Variants in REST observed in about 807,000 individuals in gnomAD.
REST encodes the protein RE1-silencing transcription factor.
Under a neutral mutation model 30.4 loss-of-function variants are expected in REST, and 1 was observed. The ratio of observed to expected loss-of-function variants is 0.03; its 90% CI spans 0.01 to 0.16. The LOEUF (loss-of-function observed/expected upper bound fraction) is 0.16. REST is among the 10% of genes least tolerant of loss of function. REST has a pLI of 1.00. For synonymous variants in REST, 504 were observed against 451.1 expected (o/e 1.12, Z -1.49); for missense variants, 1,259 against 1,329.5 (o/e 0.95, Z 0.82).
At chr4:56,910,276 T>G in intron 1 of REST, among the ~76,000 whole-genome samples, 1 of 152,226 alleles carries the variant, frequency 6.6e-6, no homozygotes, top group East Asian at 1.9e-4. Flanking sequence ...ATGTTTTGAA[T>G]TTTTAAAATA....
rs372493611 is a variant in REST at position 56,931,448 on chromosome 4, T to C, written c.2590T>C (p.Ser864Pro). 1 of 1,614,118 alleles carries C rather than the reference T, an allele frequency of 6.2e-7. No individual in the cohort carries two copies. The highest frequency in any genetic ancestry group is 1.3e-5 in the African/African-American group (1 of 75,030). The stretch of plus-strand genomic sequence containing the variant: ...AAGCACAGAGGATCTCTCACCACCA[T>C]CACCACCACTGCCAAAGGAAAATTT... ...SVSTEDLSPP[S>P]PPLPKENLRE... is the part of the protein sequence containing the mutation. The change falls in exon 4 of 4, where the codon TCA becomes CCA. Residue 864 changes from serine to proline, a missense_variant. Transcript: ENST00000309042.
At chr4:56,910,385 T>A (rs1372982842) in intron 1 of REST, among the ~76,000 whole-genome samples, 1 of 152,138 alleles carries the variant, frequency 6.6e-6, no homozygotes, top group Non-Finnish European at 1.5e-5. Context: ...GATGAATGAG[T>A]TGTGCAAACA....
chr4:56,914,111 G>A (rs1720062777), intron 2 of REST, among the ~76,000 whole-genome samples: 3 of 151,752 alleles, frequency 2.0e-5, no homozygotes, highest in Admixed American at 2.0e-4. Context: ...TATTTGTATG[G>A]TAGAGACAGG....
At chr4:56,909,595 G>C (rs1176012911) in intron 1 of REST, 1 of 152,254 alleles carries the variant, frequency 6.6e-6, no homozygotes, top group Non-Finnish European at 1.5e-5. Flanking sequence ...TTGGTACGTA[G>C]AACTAAACCG....
chr4:56,918,273 C>A (rs1377533457), intron 2 of REST, among the ~76,000 whole-genome samples: 1 of 151,766 alleles, frequency 6.6e-6, no homozygotes, highest in Non-Finnish European at 1.5e-5. Flanking sequence ...AGGCGGATTG[C>A]TTGAGCCCAG....
In REST at chr4:56,911,054, A is replaced by G. The variant is rs112115500; in HGVS notation, c.416A>G (p.Asp139Gly). The change falls in exon 2 of 4, where the codon GAT becomes GGT. Residue 139 changes from aspartate to glycine, a missense_variant. Transcript: ENST00000309042. Reference sequence around the variant, plus strand: ...CCAGATATTTACAGTTCAAATAAAGATCTTCCCCCTGAAACACCTGGAGCG... The same window carrying G: ...CCAGATATTTACAGTTCAAATAAAGGTCTTCCCCCTGAAACACCTGGAGCG... ...GAPDIYSSNK[D>G]LPPETPGAED... The G allele has an allele frequency of 1.3e-5, 21 of 1,614,100 alleles. No homozygotes were observed. The highest frequency in any genetic ancestry group is 7.7e-5 in the South Asian group (7 of 91,080).
Position 56,930,145 on chromosome 4 carries a change from A to G in REST, c.1287A>G (p.Lys429=). 6.2e-7 allele frequency: 1 copy of G among 1,613,576 alleles called. No individual in the cohort carries two copies. The highest frequency in any genetic ancestry group is 8.5e-7 in the Non-Finnish European group (1 of 1,179,918). Residue 429 remains lysine, a synonymous_variant, in exon 4 of 4, where the codon AAA becomes AAG. Coordinates refer to ENST00000309042, the MANE Select transcript of REST (RefSeq NM_005612.5). ...TMDVSKVKLK[K]TKKREADLPD... is the part of the protein sequence containing the mutation. Reference sequence around the variant, plus strand: ...ATGTCTCAAAAGTGAAACTAAAGAAAACCAAAAAACGAGAGGCTGACTTGC... The same window carrying G: ...ATGTCTCAAAAGTGAAACTAAAGAAGACCAAAAAACGAGAGGCTGACTTGC...
chr4:56,931,986 G>A lies in REST; in HGVS notation c.3128G>A (p.Ser1043Asn). 1 of 1,614,168 alleles carries A rather than the reference G, an allele frequency of 6.2e-7. No individual in the cohort carries two copies. The highest frequency in any genetic ancestry group is 8.5e-7 in the Non-Finnish European group (1 of 1,180,014). The stretch of plus-strand genomic sequence containing the variant: ...GCTCGGCCAGTTCCACAAGAATCTA[G>A]CAGAAAAAATGCAAAGGAAGCCTTG... ...HGARPVPQES[S>N]RKNAKEALAV... is the part of the protein sequence containing the mutation. Residue 1043 changes from serine (S) to asparagine (N), a missense_variant, in exon 4 of 4, where the codon AGC (serine) becomes AAC (asparagine). By Grantham distance (46) the Ser-to-Asn change is conservative. This residue lies in a region of REST where 856 missense variants were observed against 772.8 expected (regional missense o/e 1.11). Transcript: ENST00000309042.
At position 56,929,875 on chromosome 4, in the gene REST, T is replaced by C. The variant is rs1720886292; in HGVS notation, c.1017T>C (p.Tyr339=). 1 of 1,613,988 alleles carries C rather than the reference T, an allele frequency of 6.2e-7. No individual in the cohort carries two copies. The highest frequency in any genetic ancestry group is 8.5e-7 in the Non-Finnish European group (1 of 1,180,002). The stretch of plus-strand genomic sequence containing the variant: ...CATTTAAATGTGATCAGTGCAGTTA[T>C]GTGGCCTCTAATCAACATGAAGTAA... The part of the protein sequence containing the change: ...EKPFKCDQCS[Y]VASNQHEVTR... The change falls in exon 4 of 4, where the codon TAT becomes TAC. Residue 339 remains tyrosine (Y), a synonymous_variant. Transcript: ENST00000309042.
At position 56,930,954 on chromosome 4, in the gene REST, C is replaced by T. The variant is rs1720939295; in HGVS notation, c.2096C>T (p.Ala699Val). 3 of 1,613,892 alleles carry T rather than the reference C, an allele frequency of 1.9e-6. No homozygotes were observed. The highest frequency in any genetic ancestry group is 2.7e-5 in the African/African-American group (2 of 75,022). The change falls in exon 4 of 4, where the codon GCC becomes GTC. Residue 699 changes from alanine to valine, a missense_variant. By Grantham distance (64) the Ala-to-Val change is moderately conservative (BLOSUM62 0). Transcript: ENST00000309042. ...ATGGAGACTGCTCAGACGGAGGTTG[C>T]CCAAATGGGGCCTGCTCCCATGGAA... ...PPMETAQTEV[A>V]QMGPAPMEPA...
intron 3 of REST, among the ~76,000 whole-genome samples, chr4:56,920,708 C>T (rs1372545919): frequency 1.3e-5 from 2 of 151,762 alleles, no homozygotes; most frequent in Non-Finnish European, 1.5e-5. Flanking sequence ...GGTTGTAAGC[C>T]GAGATCACGC....
intron 2 of REST, among the ~76,000 whole-genome samples, chr4:56,912,435 G>A (rs1719976688): frequency 6.6e-6 from 1 of 150,736 alleles, no homozygotes; most frequent in African/African-American, 2.4e-5. Context: ...CTGCCTCAGG[G>A]TTCAAGTGAT....
rs1306078518 is a variant in REST, at chr4:56,932,228, A to G, written c.*76A>G. Reference sequence around the variant, plus strand: ...TTATATTCATTTATGATAGCAGACAACCTTTTAAGATTGCTTTAATTAGTA... The same window carrying G: ...TTATATTCATTTATGATAGCAGACAGCCTTTTAAGATTGCTTTAATTAGTA... On this transcript the variant is annotated 3_prime_UTR_variant, in exon 4 of 4. Coordinates refer to ENST00000309042, the MANE Select transcript of REST (RefSeq NM_005612.5). 70 of 1,445,888 alleles carry G rather than the reference A, an allele frequency of 4.8e-5. No individual in the cohort carries two copies. The highest frequency in any genetic ancestry group is 2.3e-4 in the Middle Eastern group (1 of 4,296). The allele number at this position is 1,445,888 out of a possible 1,614,324, so 89.6% of individuals were successfully genotyped here. A position where few individuals can be genotyped will look rare whatever the true frequency, so the allele number is the denominator to read the frequency against.
At chr4:56,918,345 T>A (rs1342471004) in intron 2 of REST, among the ~76,000 whole-genome samples, 2 of 148,700 alleles carry the variant, frequency 1.3e-5, no homozygotes, top group East Asian at 4.0e-4. Context: ...AAAAAAAAAA[T>A]TAGCTGGGCT....
In REST at chr4:56,913,141, G is replaced by A. The variant is rs142448907; in HGVS notation, c.898+1605G>A. 6.5e-3 allele frequency among the ~76,000 whole-genome samples: 982 copies of A among 152,108 alleles called. 10 individuals are homozygous for A. The highest frequency in any genetic ancestry group is 0.022 in the African/African-American group (919 of 41,516). On this transcript the variant is annotated intron_variant, in intron 2 of 3. Coordinates refer to ENST00000309042, the MANE Select transcript of REST (RefSeq NM_005612.5). Reference sequence around the variant, plus strand: ...GGGTTTTATTCAGCTGCTGTTCACTGTAGTTTTTTTAATTGGATTTATTTA... The same window carrying A: ...GGGTTTTATTCAGCTGCTGTTCACTATAGTTTTTTTAATTGGATTTATTTA...
intron 2 of REST, among the ~76,000 whole-genome samples, chr4:56,915,470 G>A (rs1288589324): frequency 1.3e-5 from 2 of 151,676 alleles, no homozygotes; most frequent in Non-Finnish European, 2.9e-5. Context: ...GGCTGGTCTC[G>A]ACCTCCTGAC....
At position 56,930,598 on chromosome 4, in the gene REST, G is replaced by A; in HGVS notation, c.1740G>A (p.Lys580=). Residue 580 remains lysine, a synonymous_variant, in exon 4 of 4, where the codon AAG becomes AAA. Coordinates refer to ENST00000309042, the MANE Select transcript of REST (RefSeq NM_005612.5). ...KQNTCMKKST[K]KKTLKNKSSK... ...ATACTTGCATGAAAAAAAGTACAAAGAAGAAAACTCTGAAAAATAAATCAA... is the reference window on the plus strand; with the variant it reads ...ATACTTGCATGAAAAAAAGTACAAAAAAGAAAACTCTGAAAAATAAATCAA... 6.2e-7 allele frequency: 1 copy of A among 1,612,730 alleles called. No individual in the cohort carries two copies. The highest frequency in any genetic ancestry group is 1.1e-5 in the South Asian group (1 of 91,034).
In REST at chr4:56,911,356, A is replaced by G; in HGVS notation, c.718A>G (p.Arg240Gly). 8 of 1,614,218 alleles carry G rather than the reference A, an allele frequency of 5.0e-6. No homozygotes were observed. In the South Asian group the frequency reaches 7.7e-5, roughly 16 times the overall value. ...HYTAHLKHHT[R>G]AGDNERVYKC... ...TACAGCACACCTGAAACACCACACCAGAGCTGGGGATAATGAGCGAGTCTA... is the reference window on the plus strand; with the variant it reads ...TACAGCACACCTGAAACACCACACCGGAGCTGGGGATAATGAGCGAGTCTA... The change falls in exon 2 of 4, where the codon AGA becomes GGA. Residue 240 changes from arginine to glycine, a missense_variant. By Grantham distance (125) the Arg-to-Gly change is moderately radical. Around this residue, in one of 5 missense-constraint regions of REST, gnomAD observed 125 missense variants for 255.4 expected, o/e 0.49. Transcript: ENST00000309042.
rs369366903 is a variant in REST at position 56,919,830 on chromosome 4, T to G, written c.942T>G (p.Ser314=). The part of the protein sequence containing the change: ...YKCELCPYSS[S]QKTHLTRHMR... ...GTGAACTTTGTCCTTACTCAAGTTC[T>G]CAGAAGACTCATCTAACTAGACATA... The change falls in exon 3 of 4, where the codon TCT becomes TCG. Residue 314 remains serine, a synonymous_variant. Coordinates refer to ENST00000309042, the MANE Select transcript of REST (RefSeq NM_005612.5). 1 of 1,609,374 alleles carries G rather than the reference T, an allele frequency of 6.2e-7. No individual in the cohort carries two copies. The highest frequency in any genetic ancestry group is 8.5e-7 in the Non-Finnish European group (1 of 1,176,802).
Sources: allele counts gnomAD v4.1 joint callset (sites outside exome capture counted in the v4.1 genomes callset), GRCh38; gene constraint gnomAD v4.1.1; regional missense constraint gnomAD v4.1.1; transcripts MANE v1.5; gene names NCBI Gene and HGNC (gene_info 2026-07-23, HGNC 2026-07-21).